The following CHRM3 variants were observed in gnomAD, a reference collection of about 807,000 sequenced individuals.
CHRM3 encodes the protein muscarinic acetylcholine receptor M3.
Under a neutral mutation model 41.8 loss-of-function variants are expected in CHRM3, and 11 were observed. The observed-to-expected ratio is 0.26, with a 90% confidence interval of 0.17 to 0.44. CHRM3 has a LOEUF of 0.44. Among genes scored for constraint, CHRM3 ranks in the 20% least tolerant of loss-of-function variants. The pLI, the probability that CHRM3 is intolerant of heterozygous loss-of-function variation, is 1.00. For missense variants in CHRM3, 571 were observed against 745.4 expected (o/e 0.77, Z 2.72); for synonymous variants, 297 against 301.4 (o/e 0.99, Z 0.15).
intron 3 of CHRM3, among the ~76,000 whole-genome samples, chr1:239,614,920 G>A (rs1040748406): frequency 3.9e-5 from 6 of 152,136 alleles, no homozygotes; most frequent in African/African-American, 1.4e-4. Context: ...AAAAAATCAG[G>A]AAATGTGTTT....
intron 4 of CHRM3, among the ~76,000 whole-genome samples, chr1:239,663,712 C>A (rs1447441961): frequency 6.6e-6 from 1 of 152,194 alleles, no homozygotes. Flanking sequence ...TAAATACATG[C>A]ATTTTGCACT....
At chr1:239,749,391 G>A (rs1033807250) in intron 5 of CHRM3, among the ~76,000 whole-genome samples, 11 of 152,082 alleles carry the variant, frequency 7.2e-5, no homozygotes, top group Admixed American at 2.0e-4. Context: ...GGGTAGGTTG[G>A]GCACGAGTGG....
At chr1:239,650,583 T>G (rs570945450) in intron 4 of CHRM3, among the ~76,000 whole-genome samples, 1 of 152,292 alleles carries the variant, frequency 6.6e-6, no homozygotes, top group Non-Finnish European at 1.5e-5. Flanking sequence ...AGTCTTAAAC[T>G]TAATTTGTAA....
chr1:239,698,033 G>A (rs1352384552), intron 5 of CHRM3, among the ~76,000 whole-genome samples: 2 of 152,146 alleles, frequency 1.3e-5, no homozygotes, highest in African/African-American at 4.8e-5. Context: ...TCATGTCTCT[G>A]GCTTTATGCA....
chr1:239,771,758 G>C (rs558313308), intron 5 of CHRM3, among the ~76,000 whole-genome samples: 1 of 152,346 alleles, frequency 6.6e-6, no homozygotes, highest in African/African-American at 2.4e-5. Context: ...ACAAATGGGT[G>C]TGGCTGTCTT....
chr1:239,501,290 T>A (rs1476969788), intron 2 of CHRM3, among the ~76,000 whole-genome samples: 1 of 152,158 alleles, frequency 6.6e-6, no homozygotes, highest in South Asian at 2.1e-4. Flanking sequence ...AACAGATACA[T>A]ACAGAACATT....
intron 1 of CHRM3, among the ~76,000 whole-genome samples, chr1:239,487,972 A>T (rs1431655739): frequency 6.6e-6 from 1 of 152,218 alleles, no homozygotes; most frequent in African/African-American, 2.4e-5. Context: ...TTAAAGGAAT[A>T]GTCAGTAATC....
chr1:239,427,692 C>T (rs1662501526), intron 1 of CHRM3, among the ~76,000 whole-genome samples: 1 of 151,796 alleles, frequency 6.6e-6, no homozygotes, highest in Non-Finnish European at 1.5e-5. Context: ...TGGAAAATAA[C>T]CAATGAGATG....
intron 3 of CHRM3, among the ~76,000 whole-genome samples, chr1:239,624,558 A>T (rs1668820516): frequency 6.6e-6 from 1 of 151,154 alleles, no homozygotes; most frequent in African/African-American, 2.5e-5. Flanking sequence ...GGTGTTTTGG[A>T]CATGAAGTCC....
chr1:239,783,162 T>TGC (rs1668631725), intron 5 of CHRM3, among the ~76,000 whole-genome samples: 1 of 152,068 alleles, frequency 6.6e-6, no homozygotes, highest in Admixed American at 6.6e-5. Context: ...ATTTTCTGTC[T>TGC]GCTGGGTCTA....
At chr1:239,766,672 T>TATATAG (rs71166890) in intron 5 of CHRM3, among the ~76,000 whole-genome samples, 16,488 of 145,472 alleles carry the variant, frequency 0.11, 1,043 homozygotes, top group East Asian at 0.18. Context: ...TGGATATAGA[T>TATATAG]ATATAGATAT....
rs181840564 is a variant in CHRM3, at chr1:239,539,108, G to C, written c.-421-6533G>C. ...ATGGCTTTGTCAGATGTAAAACTCTGGACATAACTGCTGTGGGGAAGAAAA... is the reference window on the plus strand; with the variant it reads ...ATGGCTTTGTCAGATGTAAAACTCTCGACATAACTGCTGTGGGGAAGAAAA... On this transcript the variant is annotated intron_variant, in intron 2 of 6. Coordinates refer to ENST00000676153, the MANE Select transcript of CHRM3 (RefSeq NM_001375978.1). Among the ~76,000 whole-genome samples, 4 of 152,152 alleles carry C rather than the reference G, an allele frequency of 2.6e-5. No homozygotes were observed. In the East Asian group the frequency reaches 5.8e-4, roughly 22 times the overall value.
chr1:239,402,874 A>G (rs570277946), intron 1 of CHRM3, among the ~76,000 whole-genome samples: 1 of 152,354 alleles, frequency 6.6e-6, no homozygotes, highest in African/African-American at 2.4e-5. Flanking sequence ...GTGCCTACGC[A>G]TCACTTCATT....
intron 3 of CHRM3, among the ~76,000 whole-genome samples, chr1:239,608,136 A>G (rs904363816): frequency 6.6e-6 from 1 of 152,230 alleles, no homozygotes; most frequent in Non-Finnish European, 1.5e-5. Flanking sequence ...AAAAAATTGC[A>G]CTATATCCAA....
intron 1 of CHRM3, among the ~76,000 whole-genome samples, chr1:239,388,497 G>A (rs1002207158): frequency 1.3e-5 from 2 of 152,102 alleles, no homozygotes; most frequent in African/African-American, 4.8e-5. Flanking sequence ...TTGTGAGATC[G>A]TTATATCGCA....
intron 3 of CHRM3, among the ~76,000 whole-genome samples, chr1:239,563,423 A>G (rs1025066599): frequency 2.0e-5 from 3 of 152,190 alleles, no homozygotes. Context: ...ATATTTGGGG[A>G]CAGTAAGAAT....
At chr1:239,701,582 G>T (rs1660692337) in intron 5 of CHRM3, among the ~76,000 whole-genome samples, 1 of 152,176 alleles carries the variant, frequency 6.6e-6, no homozygotes. Flanking sequence ...TCAGCTATCT[G>T]GCTCTTACCT....
chr1:239,692,456 T>C (rs758650266), intron 5 of CHRM3, among the ~76,000 whole-genome samples: 7 of 152,162 alleles, frequency 4.6e-5, no homozygotes, highest in Admixed American at 6.5e-5. Context: ...CTCACTGTTT[T>C]GAAATATTGT....
chr1:239,708,746 T>TTTC (rs1661455900), intron 5 of CHRM3, among the ~76,000 whole-genome samples: 1 of 139,684 alleles, frequency 7.2e-6, no homozygotes, highest in South Asian at 2.5e-4. Flanking sequence ...CTTTTTTTTT[T>TTTC]TTTTTTTTTT....
Sources: gnomAD v4.1 joint callset for allele counts (sites outside exome capture counted in the v4.1 genomes callset) on GRCh38, gnomAD v4.1.1 for gene constraint, MANE v1.5 for transcripts, NCBI Gene and HGNC (gene_info 2026-07-23, HGNC 2026-07-21) for gene names.